The following WWOX variants were observed in gnomAD, a reference collection of about 807,000 sequenced individuals.
WWOX encodes WW domain-containing oxidoreductase.
WWOX carries 69 observed loss-of-function variants against 46.2 expected under a neutral mutation model. That is an observed-to-expected ratio of 1.49 (90% CI 1.23 to 1.82). The LOEUF is 1.82. WWOX is among the 40% of genes most tolerant of loss of function. The pLI is 0.00. For synonymous variants in WWOX, 359 were observed against 202.6 expected (o/e 1.77, Z -6.56); for missense variants, 919 against 542.6 (o/e 1.69, Z -6.89).
At chr16:79,190,343 A>G (rs565001113) in intron 8 of WWOX, among the ~76,000 whole-genome samples, 17 of 149,926 alleles carry the variant, frequency 1.1e-4, no homozygotes, top group African/African-American at 4.1e-4. Context: ...TTTTTTATGG[A>G]AAAAAAAAAT....
intron 8 of WWOX, among the ~76,000 whole-genome samples, chr16:79,162,165 C>T (rs1273046361): frequency 6.6e-6 from 1 of 152,180 alleles, no homozygotes; most frequent in Non-Finnish European, 1.5e-5. Flanking sequence ...CAAGTGTTTT[C>T]TTGGCCCAAG....
chr16:78,860,955 A>C (rs755492036), intron 8 of WWOX, among the ~76,000 whole-genome samples: 1 of 152,108 alleles, frequency 6.6e-6, no homozygotes, highest in Non-Finnish European at 1.5e-5. Context: ...AGCTGGGACT[A>C]CAGGCGCATG....
chr16:79,057,320 T>G (rs2048281378), intron 8 of WWOX, among the ~76,000 whole-genome samples: 1 of 152,200 alleles, frequency 6.6e-6, no homozygotes, highest in Admixed American at 6.5e-5. Context: ...TGGAAATCAG[T>G]GGACTAGAAT....
chr16:78,387,547 C>T (rs969041819), intron 6 of WWOX, among the ~76,000 whole-genome samples: 1 of 151,956 alleles, frequency 6.6e-6, no homozygotes, highest in African/African-American at 2.4e-5. Flanking sequence ...GCATCCCTTT[C>T]TAACAGAGAA....
At chr16:78,523,333 C>G (rs574046785) in intron 8 of WWOX, among the ~76,000 whole-genome samples, 2 of 152,324 alleles carry the variant, frequency 1.3e-5, no homozygotes, top group East Asian at 3.9e-4. Flanking sequence ...GGATCCCCTG[C>G]TGTACCCAGC....
chr16:78,108,508 G>T, intron 2 of WWOX, 21 bp downstream of exon 2: 1 of 1,613,222 alleles, frequency 6.2e-7, no homozygotes, highest in Non-Finnish European at 8.5e-7. Flanking sequence ...TGTTGTCTAA[G>T]GATCTTGGAT....
At chr16:78,229,205 T>C (rs1168936289) in intron 5 of WWOX, among the ~76,000 whole-genome samples, 1 of 151,388 alleles carries the variant, frequency 6.6e-6, no homozygotes, top group Admixed American at 6.6e-5. Flanking sequence ...ATAGTGTTCA[T>C]ACTCAGAAGG....
intron 6 of WWOX, among the ~76,000 whole-genome samples, chr16:78,404,942 G>T (rs1417449241): frequency 6.6e-6 from 1 of 152,176 alleles, no homozygotes; most frequent in East Asian, 1.9e-4. Context: ...ATTGCACTAA[G>T]TGCCATTGGG....
At chr16:78,268,930 C>G (rs1156564789) in intron 5 of WWOX, among the ~76,000 whole-genome samples, 1 of 152,016 alleles carries the variant, frequency 6.6e-6, no homozygotes, top group Non-Finnish European at 1.5e-5. Flanking sequence ...TCTGAGGCAA[C>G]CATGATTAGT....
chr16:79,089,632 G>C (rs2048917644), intron 8 of WWOX, among the ~76,000 whole-genome samples: 1 of 152,128 alleles, frequency 6.6e-6, no homozygotes, highest in Admixed American at 6.6e-5. Flanking sequence ...GCCCTGCTAA[G>C]GTGGCAATCT....
rs9937072 is a variant in WWOX, at chr16:78,335,793, C to T, written c.517-51067C>T. On this transcript the variant is annotated intron_variant, in intron 5 of 8. Coordinates refer to ENST00000566780, the MANE Select transcript of WWOX (RefSeq NM_016373.4). ...GAACTGAGGTGGGCCCCAAAACTTG[C>T]GTTTCTAAAAGGTACTAGCTGAGCA... 1.6e-4 allele frequency among the ~76,000 whole-genome samples: 24 copies of T among 152,178 alleles called. No individual in the cohort carries two copies. In the South Asian group the frequency reaches 2.5e-3, roughly 16 times the overall value.
intron 8 of WWOX, among the ~76,000 whole-genome samples, chr16:78,811,927 T>G (rs1343203629): frequency 1.3e-5 from 2 of 152,214 alleles, no homozygotes; most frequent in Admixed American, 1.3e-4. Context: ...GTTAGGGTTC[T>G]TTTGAGGAAT....
At chr16:78,101,139 C>T (rs1243654409) in intron 1 of WWOX, among the ~76,000 whole-genome samples, 3 of 151,556 alleles carry the variant, frequency 2.0e-5, no homozygotes, top group African/African-American at 4.8e-5. Flanking sequence ...CCTCCGCCTC[C>T]CGGGTTCACG....
At chr16:78,894,700 G>C (rs1013633406) in intron 8 of WWOX, among the ~76,000 whole-genome samples, 3 of 152,156 alleles carry the variant, frequency 2.0e-5, no homozygotes, top group African/African-American at 7.2e-5. Context: ...AAACAATAGA[G>C]AGAATAGCAT....
rs553499141 is a variant in WWOX at position 79,197,315 on chromosome 16, C to T, written c.1057-14293C>T. On this transcript the variant is annotated intron_variant, in intron 8 of 8. Transcript: ENST00000566780. ...TACAGCTGTATTCCACAGGTCATCA[C>T]CAAGGGACTGCTAGAACTGGATCAT... Among the ~76,000 whole-genome samples the T allele has an allele frequency of 5.9e-5, 9 of 152,304 alleles. No individual in the cohort carries two copies. In the South Asian group the frequency reaches 1.9e-3, roughly 32 times the overall value.
intron 8 of WWOX, among the ~76,000 whole-genome samples, chr16:78,486,143 C>A (rs914420370): frequency 6.6e-6 from 1 of 152,006 alleles, no homozygotes; most frequent in Non-Finnish European, 1.5e-5. Flanking sequence ...GCTCTGTTGG[C>A]GGGAACTAGG....
At position 78,154,070 on chromosome 16, in the gene WWOX, C is replaced by G. The variant is rs142795208; in HGVS notation, c.410-10113C>G. Among the ~76,000 whole-genome samples the G allele has an allele frequency of 1.9e-3, 289 of 152,286 alleles. 2 individuals carry two copies. The highest frequency in any genetic ancestry group is 6.8e-3 in the African/African-American group (282 of 41,562). On this transcript the variant is annotated intron_variant, in intron 4 of 8. Transcript: ENST00000566780. ...GATGCTCTCCACCACCATGCCCAAG[C>G]CATTTCTCCCTTTGTGTTCCCTGTC...
chr16:78,378,961 C>A (rs1358769172), intron 5 of WWOX, among the ~76,000 whole-genome samples: 1 of 152,094 alleles, frequency 6.6e-6, no homozygotes, highest in Non-Finnish European at 1.5e-5. Flanking sequence ...GGGGAACAGC[C>A]CAGTGTGGCA....
At chr16:78,476,313 G>T (rs1965588) in intron 8 of WWOX, among the ~76,000 whole-genome samples, 1 of 152,094 alleles carries the variant, frequency 6.6e-6, no homozygotes, top group South Asian at 2.1e-4. Flanking sequence ...CCACTTGGGT[G>T]GATGAAGCTG....
Sources: gnomAD v4.1 joint callset for allele counts (sites outside exome capture counted in the v4.1 genomes callset) on GRCh38, gnomAD v4.1.1 for gene constraint, MANE v1.5 for transcripts, NCBI Gene and HGNC (gene_info 2026-07-23, HGNC 2026-07-21) for gene names.